Variants in ELP3 observed in about 807,000 individuals in gnomAD.
ELP3 encodes elongator complex protein 3.
Under a neutral mutation model 74.9 loss-of-function variants are expected in ELP3, and 56 were observed. That is an observed-to-expected ratio of 0.75 (90% confidence interval 0.60 to 0.93). ELP3 has a LOEUF of 0.93. Ranked by LOEUF, ELP3 falls within the 40% of genes least tolerant of loss-of-function variation. The pLI is 0.00. For missense variants in ELP3, 573 were observed against 686.5 expected (o/e 0.83, Z 1.85); for synonymous variants, 222 against 239.8 (o/e 0.93, Z 0.68).
In ELP3 at chr8:28,188,302, G is replaced by T. The variant is rs187030313; in HGVS notation, c.1568-1347G>T. The stretch of plus-strand genomic sequence containing the variant: ...AAAATATAATTTGGTCTCTGTTCCT[G>T]GTTCCTGACATAGAGCTCCTAAAAC... On this transcript the variant is annotated intron_variant, in intron 14 of 14. Coordinates refer to ENST00000256398, the MANE Select transcript of ELP3 (RefSeq NM_018091.6). 2.7e-3 allele frequency among the ~76,000 whole-genome samples: 413 copies of T among 152,180 alleles called. 1 individual carries two copies. Among genetic ancestry groups the T allele is most frequent in the Non-Finnish European group, 5.3e-3 (360 of 68,010 alleles).
intron 3 of ELP3, among the ~76,000 whole-genome samples, chr8:28,105,198 A>G (rs1811639656): frequency 6.6e-6 from 1 of 152,044 alleles, no homozygotes. Context: ...CCTGGCCAAC[A>G]TGGCAAAACC....
intron 5 of ELP3, 135 bp downstream of exon 5, chr8:28,108,111 C>T (rs1811768768): frequency 2.9e-6 from 2 of 690,250 alleles, no homozygotes; most frequent in South Asian, 1.9e-5. Flanking sequence ...GCTGTTCATT[C>T]ACCAAATATT....
chr8:28,168,036 G>A lies in ELP3; in HGVS notation c.1567+5958G>A, dbSNP rs187485343. 5.5e-4 allele frequency among the ~76,000 whole-genome samples: 84 copies of A among 152,280 alleles called. 1 individual carries two copies. Among genetic ancestry groups the A allele is most frequent in the Admixed American group, 1.5e-3 (23 of 15,286 alleles). ...TGGTGTCTGTTGTAGCTGCACTGTGGCAGCATTGTTTTGTAGCTCCTCCCA... is the reference window on the plus strand; with the variant it reads ...TGGTGTCTGTTGTAGCTGCACTGTGACAGCATTGTTTTGTAGCTCCTCCCA... On this transcript the variant is annotated intron_variant, in intron 14 of 14. Transcript: ENST00000256398.
chr8:28,108,271 A>G lies in ELP3; in HGVS notation c.393+295A>G, dbSNP rs187943120. Reference sequence around the variant, plus strand: ...CAGTGTTTTGAAGATAGACACTATCATGATCCCAGTTTGCCAATCAGGAAA... The same window carrying G: ...CAGTGTTTTGAAGATAGACACTATCGTGATCCCAGTTTGCCAATCAGGAAA... On this transcript the variant is annotated intron_variant, in intron 5 of 14. Coordinates refer to ENST00000256398, the MANE Select transcript of ELP3 (RefSeq NM_018091.6). Among the ~76,000 whole-genome samples the G allele has an allele frequency of 2.5e-4, 38 of 152,280 alleles. No homozygotes were observed. In the East Asian group the frequency reaches 7.3e-3, roughly 29 times the overall value.
At chr8:28,175,740 ACT>A (rs770907778) in intron 14 of ELP3, among the ~76,000 whole-genome samples, 101 of 151,246 alleles carry the variant, frequency 6.7e-4, no homozygotes, top group Non-Finnish European at 1.1e-3. Context: ...TAATGTGGTA[ACT>A]CTGGAAATCA....
intron 14 of ELP3, among the ~76,000 whole-genome samples, chr8:28,163,765 A>G (rs1171346796): frequency 1.3e-5 from 2 of 152,134 alleles, no homozygotes; most frequent in African/African-American, 4.8e-5. Context: ...TGAAATTTCC[A>G]TGGCCCCTTT....
intron 14 of ELP3, among the ~76,000 whole-genome samples, chr8:28,170,772 G>T (rs947723955): frequency 2.6e-5 from 4 of 152,106 alleles, no homozygotes; most frequent in Non-Finnish European, 4.4e-5. Context: ...ATTTTTAAGT[G>T]TATAAATCAG....
At chr8:28,189,504 T>C in intron 14 of ELP3, 145 bp from the exon 15 acceptor site, 1 of 658,014 alleles carries the variant, frequency 1.5e-6, no homozygotes, top group Non-Finnish European at 2.7e-6. Flanking sequence ...AAAGTAATAA[T>C]GTTCCAAACT....
chr8:28,182,796 G>A (rs950008162), intron 14 of ELP3, among the ~76,000 whole-genome samples: 7 of 152,314 alleles, frequency 4.6e-5, no homozygotes, highest in South Asian at 4.1e-4. Context: ...CACGTGGTGC[G>A]TATCTTTTGG....
At chr8:28,139,911 T>C (rs1023821201) in intron 10 of ELP3, among the ~76,000 whole-genome samples, 2 of 152,138 alleles carry the variant, frequency 1.3e-5, no homozygotes, top group South Asian at 2.1e-4. Context: ...TGCCATTGCA[T>C]TCCAACCTGG....
intron 12 of ELP3, among the ~76,000 whole-genome samples, chr8:28,158,878 G>A (rs1025891723): frequency 1.5e-4 from 23 of 152,348 alleles, no homozygotes; most frequent in African/African-American, 5.1e-4. Flanking sequence ...ACTTTCTGCA[G>A]TGTTGGAAAT....
chr8:28,189,625 T>A, intron 14 of ELP3, 24 bp from the exon 15 acceptor site: 8 of 1,613,686 alleles, frequency 5.0e-6, no homozygotes, highest in Non-Finnish European at 6.8e-6. Context: ...GAATGCTCCT[T>A]TTTTAACTTC....
rs904579611 is a variant in ELP3, at chr8:28,155,876, C to T, written c.1101-66C>T. On this transcript the variant is annotated intron_variant, in intron 10 of 14. Coordinates refer to ENST00000256398, the MANE Select transcript of ELP3 (RefSeq NM_018091.6). ...TGTTCTTTTTAACTTTTTTAATATC[C>T]TTGCCTTACTGCTGTGGAGAATGAT... 4.3e-5 allele frequency: 56 copies of T among 1,298,600 alleles called. No individual in the cohort carries two copies. The Middle Eastern group carries it at 5.6e-4, about 13-fold the overall frequency. 80.4% of individuals were successfully genotyped at this position (1,298,600 alleles called of 1,614,324 possible). A position where few individuals can be genotyped will look rare whatever the true frequency, so the allele number is the denominator to read the frequency against.
chr8:28,093,330 G>T, intron 1 of ELP3, 97 bp downstream of exon 1: 3 of 1,531,726 alleles, frequency 2.0e-6, no homozygotes, highest in South Asian at 1.2e-5. Context: ...GCGAGAATCC[G>T]CTACCCAGTC....
chr8:28,112,318 A>G (rs1223791961), intron 6 of ELP3, among the ~76,000 whole-genome samples: 2 of 152,024 alleles, frequency 1.3e-5, no homozygotes, highest in East Asian at 3.8e-4. Flanking sequence ...TTTTTAGTAG[A>G]GACGGGGTTT....
At chr8:28,182,602 C>T (rs1191914578) in intron 14 of ELP3, among the ~76,000 whole-genome samples, 1 of 152,020 alleles carries the variant, frequency 6.6e-6, no homozygotes, top group African/African-American at 2.4e-5. Context: ...TGTTCTCCAC[C>T]CACCCCCCCT....
intron 10 of ELP3, among the ~76,000 whole-genome samples, chr8:28,153,422 G>C (rs1216563230): frequency 6.6e-6 from 1 of 152,176 alleles, no homozygotes; most frequent in African/African-American, 2.4e-5. Context: ...AAAGTATGCT[G>C]TTTAGAAATT....
chr8:28,176,476 G>A (rs1814758823), intron 14 of ELP3, among the ~76,000 whole-genome samples: 1 of 152,176 alleles, frequency 6.6e-6, no homozygotes, highest in African/African-American at 2.4e-5. Context: ...TGTGGCTACG[G>A]TGGAGCTAAG....
At position 28,132,256 on chromosome 8, in the gene ELP3, G is replaced by C. The variant is rs753484781; in HGVS notation, c.780-22G>C. 4 of 1,613,616 alleles carry C rather than the reference G, an allele frequency of 2.5e-6. No individual in the cohort carries two copies. The South Asian group carries it at 4.4e-5, about 18-fold the overall frequency. On this transcript the variant is annotated intron_variant, in intron 8 of 14. Coordinates refer to ENST00000256398, the MANE Select transcript of ELP3 (RefSeq NM_018091.6). ...ACACAAATAGGTAGTGATTTTCACA[G>C]GTAGTGATTTTCTTTCCTTAGGGGC...
Sources: allele counts gnomAD v4.1 joint callset (sites outside exome capture counted in the v4.1 genomes callset), GRCh38; gene constraint gnomAD v4.1.1; transcripts MANE v1.5; gene names NCBI Gene and HGNC (gene_info 2026-07-23, HGNC 2026-07-21).